NOMO1: variants seen among roughly 807,000 people sequenced by gnomAD.
NOMO1 encodes nodal modulator 3.
In NOMO1, 40 loss-of-function variants were observed where a neutral mutation model predicts 133.8. The ratio of observed to expected loss-of-function variants is 0.30; its 90% CI spans 0.23 to 0.39. NOMO1 has a LOEUF of 0.39. Ranked by LOEUF, NOMO1 falls within the 10% of genes least tolerant of loss-of-function variation. The pLI, the probability that NOMO1 is intolerant of heterozygous loss-of-function variation, is 1.00. For missense variants in NOMO1, 462 were observed against 1,419.9 expected, an observed-to-expected ratio of 0.33 and a Z score of 10.84; for synonymous variants, 236 against 570.5, an observed-to-expected ratio of 0.41 and a Z score of 8.36.
intron 4 of NOMO1, among the ~76,000 whole-genome samples, chr16:14,845,560 T>G (rs137983270): frequency 1.3e-5 from 2 of 151,908 alleles, no homozygotes; most frequent in South Asian, 2.1e-4. Context: ...AGAGTCCTAA[T>G]GGGTGTGTGC....
intron 17 of NOMO1, among the ~76,000 whole-genome samples, chr16:14,871,969 G>A (rs189285884): frequency 3.0e-4 from 45 of 152,084 alleles, no homozygotes; most frequent in Admixed American, 2.6e-3. Context: ...CCTCACCGAT[G>A]GGCGTCTGTC....
At chr16:14,838,611 A>G (rs1963557256) in intron 2 of NOMO1, 115 bp downstream of exon 2, 3 of 994,246 alleles carry the variant, frequency 3.0e-6, no homozygotes, top group Admixed American at 2.5e-5. Flanking sequence ...GTAAATTATT[A>G]GTGGAATATG....
chr16:14,866,225 A>C lies in NOMO1; in HGVS notation c.1670-330A>C, dbSNP rs369562290. Among the ~76,000 whole-genome samples the C allele has an allele frequency of 9.0e-3, 1,297 of 143,456 alleles. 15 individuals carry two copies. The highest frequency in any genetic ancestry group is 0.024 in the East Asian group (116 of 4,834). 94.1% of individuals were successfully genotyped at this position (143,456 alleles called of 152,430 possible). A position where few individuals can be genotyped will look rare whatever the true frequency, so the allele number is the denominator to read the frequency against. On this transcript the variant is annotated intron_variant, in intron 14 of 30. Transcript: ENST00000287667. ...CAGGCATGCACCACCATGCCTGGAT[A>C]ACTTTTGTATTTTTAGTAGAGATGG...
At chr16:14,874,962 T>C in intron 18 of NOMO1, 74 bp from the exon 19 acceptor site, 1 of 1,594,340 alleles carries the variant, frequency 6.3e-7, no homozygotes. Flanking sequence ...CGCAAGTCCA[T>C]ACTCGTAGAA....
rs768790840 is a variant in NOMO1 at position 14,864,583 on chromosome 16, A to C, written c.1396-2A>C. 19 of 1,612,772 alleles carry C rather than the reference A, an allele frequency of 1.2e-5. No homozygotes were observed. In the South Asian group the frequency reaches 2.0e-4, roughly 17 times the overall value. Reference sequence around the variant, plus strand: ...TCTAACGTTCCATCCACGTTTCCACAGGTGATGGTTCCTGAGGCAGAAACC... The same window carrying C: ...TCTAACGTTCCATCCACGTTTCCACCGGTGATGGTTCCTGAGGCAGAAACC... On this transcript the variant is annotated splice_acceptor_variant, in intron 12 of 30. Transcript: ENST00000287667. LOFTEE classifies it high-confidence loss of function.
chr16:14,855,722 T>C (rs1963824130), intron 9 of NOMO1, among the ~76,000 whole-genome samples: 1 of 152,030 alleles, frequency 6.6e-6, no homozygotes, highest in African/African-American at 2.4e-5. Context: ...CAAATACATA[T>C]TTTGAAAATG....
At chr16:14,873,715 AGG>A (rs1488507545) in intron 18 of NOMO1, among the ~76,000 whole-genome samples, 1 of 151,822 alleles carries the variant, frequency 6.6e-6, no homozygotes, top group East Asian at 1.9e-4. Flanking sequence ...TAACTTCACA[AGG>A]GTGTTTGTGT....
chr16:14,873,535 G>T (rs942885800), intron 18 of NOMO1, among the ~76,000 whole-genome samples: 1 of 147,632 alleles, frequency 6.8e-6, no homozygotes, highest in African/African-American at 2.5e-5. Context: ...GTGATGGGGA[G>T]CCAGGTTTTT....
chr16:14,860,112 A>G (rs1469277321), intron 11 of NOMO1, among the ~76,000 whole-genome samples: 1 of 151,534 alleles, frequency 6.6e-6, no homozygotes, highest in Non-Finnish European at 1.5e-5. Context: ...GCTCACGCCT[A>G]TGATCTCAGC....
intron 25 of NOMO1, 46 bp from the exon 26 acceptor site, chr16:14,882,548 C>A: frequency 6.2e-7 from 1 of 1,611,332 alleles, no homozygotes; most frequent in South Asian, 1.1e-5. Flanking sequence ...AGGCACGATA[C>A]GACAAGCCCC....
intron 1 of NOMO1, among the ~76,000 whole-genome samples, chr16:14,837,155 C>G (rs1037543421): frequency 6.6e-6 from 1 of 151,920 alleles, no homozygotes; most frequent in African/African-American, 2.4e-5. Context: ...GTAGCTGAGG[C>G]TACAGGCACG....
intron 7 of NOMO1, 161 bp from the exon 8 acceptor site, chr16:14,853,306 A>T (rs1421636903): frequency 2.1e-5 from 11 of 523,896 alleles, no homozygotes; most frequent in Non-Finnish European, 3.5e-5. Flanking sequence ...CTTGAATGTC[A>T]AGATTTTTGT....
rs1964247252 is a variant in NOMO1, at chr16:14,881,687, T to G, written c.3027+2T>G. ...AAGTTCAGATTACGTGGATTGCTGG[T>G]GAGACTTGGAATGGGTTTTCTTTGG... On this transcript the variant is annotated splice_donor_variant, in intron 25 of 30. Coordinates refer to ENST00000287667, the MANE Select transcript of NOMO1 (RefSeq NM_014287.4). LOFTEE classifies it high-confidence loss of function. 6.2e-7 allele frequency: 1 copy of G among 1,611,388 alleles called. No homozygotes were observed. Among genetic ancestry groups the G allele is most frequent in the Non-Finnish European group, 8.5e-7 (1 of 1,179,670 alleles).
intron 29 of NOMO1, among the ~76,000 whole-genome samples, chr16:14,894,041 T>C (rs1282408226): frequency 6.6e-6 from 1 of 150,810 alleles, no homozygotes; most frequent in African/African-American, 2.5e-5. Context: ...GAAGTTCTCC[T>C]TCCATTTATT....
At chr16:14,849,986 G>A (rs1385867276) in intron 6 of NOMO1, among the ~76,000 whole-genome samples, 2 of 147,318 alleles carry the variant, frequency 1.4e-5, no homozygotes, top group Non-Finnish European at 3.0e-5. Context: ...TGCAGCCTCT[G>A]GTTCCTGGCC....
intron 11 of NOMO1, among the ~76,000 whole-genome samples, chr16:14,862,014 G>A (rs1161235813): frequency 1.3e-5 from 2 of 151,348 alleles, no homozygotes; most frequent in Non-Finnish European, 2.9e-5. Flanking sequence ...TGTTTTTCAT[G>A]ATTCCTAGAT....
rs200961799 is a variant in NOMO1 at position 14,864,988 on chromosome 16, G to A, written c.1538-36G>A. The A allele has an allele frequency of 7.0e-4, 1,128 of 1,609,478 alleles. 15 individuals carry two copies. The highest frequency in any genetic ancestry group is 8.9e-4 in the Non-Finnish European group (1,045 of 1,178,732). On this transcript the variant is annotated intron_variant, in intron 13 of 30. Coordinates refer to ENST00000287667, the MANE Select transcript of NOMO1 (RefSeq NM_014287.4). ...TCAAACCTGTGCTGAAGCCTTATAAGGGGTCACATGGAGCCCTCCCTTCTT... is the reference window on the plus strand; with the variant it reads ...TCAAACCTGTGCTGAAGCCTTATAAAGGGTCACATGGAGCCCTCCCTTCTT...
chr16:14,873,554 G>T (rs447645), intron 18 of NOMO1, among the ~76,000 whole-genome samples: 1 of 148,804 alleles, frequency 6.7e-6, no homozygotes, highest in South Asian at 2.2e-4. Context: ...TTAGCTGGGG[G>T]TGGATTTGCC....
chr16:14,860,362 C>T (rs1395798993), intron 11 of NOMO1, among the ~76,000 whole-genome samples: 2 of 146,746 alleles, frequency 1.4e-5, no homozygotes, highest in South Asian at 2.2e-4. Context: ...GGTGAGATTC[C>T]GTCTCAAAAA....
Sources: gnomAD v4.1 joint callset for allele counts (sites outside exome capture counted in the v4.1 genomes callset) on GRCh38, gnomAD v4.1.1 for gene constraint, MANE v1.5 for transcripts, NCBI Gene and HGNC (gene_info 2026-07-23, HGNC 2026-07-21) for gene names.